Variants in LRCH1 observed in about 807,000 individuals in gnomAD.
LRCH1 encodes the protein leucine-rich repeat and calponin homology domain-containing protein 1.
Under a neutral mutation model 94.9 loss-of-function variants are expected in LRCH1, and 23 were observed. That is an observed-to-expected ratio of 0.24 (90% CI 0.17 to 0.34). The LOEUF (loss-of-function observed/expected upper bound fraction) is 0.34. Ranked by LOEUF, LRCH1 falls within the 10% of genes least tolerant of loss-of-function variation. The pLI, the probability that LRCH1 is intolerant of heterozygous loss-of-function variation, is 1.00. For synonymous variants in LRCH1, 364 were observed against 354.9 expected (o/e 1.03, Z -0.29); for missense variants, 790 against 945.9 (o/e 0.84, Z 2.16).
intron 1 of LRCH1, among the ~76,000 whole-genome samples, chr13:46,627,868 A>G (rs564889710): frequency 4.7e-4 from 71 of 152,168 alleles, no homozygotes; most frequent in African/African-American, 1.6e-3. Context: ...ACTTTTTCTC[A>G]GTTTTCATGA....
At chr13:46,665,849 C>T (rs1177319332) in intron 2 of LRCH1, among the ~76,000 whole-genome samples, 1 of 152,162 alleles carries the variant, frequency 6.6e-6, no homozygotes, top group East Asian at 1.9e-4. Context: ...AGAAAAATTG[C>T]TGCCAGAAGA....
At chr13:46,745,657 C>CT (rs977056164), downstream of LRCH1, among the ~76,000 whole-genome samples, 2 of 151,996 alleles carry the variant, frequency 1.3e-5, no homozygotes, top group African/African-American at 4.8e-5. Flanking sequence ...ATTGAAGAAA[C>CT]TGATGCAGGA....
Position 46,714,224 on chromosome 13 carries a change from CTTG to C in LRCH1, c.1655-1329_1655-1327del, listed in dbSNP as rs530999939. Among the ~76,000 whole-genome samples, 394 of 152,276 alleles carry C rather than the reference CTTG, an allele frequency of 2.6e-3. 1 individual carries two copies. Among genetic ancestry groups the C allele is most frequent in the Middle Eastern group, 0.01 (3 of 294 alleles). On this transcript the variant is annotated intron_variant, in intron 15 of 19. Coordinates refer to ENST00000389797, the MANE Select transcript of LRCH1 (RefSeq NM_001164211.2). ...CTGACTAACCAATGTGGAAATTGTT[CTTG>C]TTGTTGAAAGCTCTATGGAGTTTGG...
intron 1 of LRCH1, 100 bp from the exon 2 acceptor site, chr13:46,650,101 C>T: frequency 1.3e-6 from 1 of 750,790 alleles, no homozygotes; most frequent in Non-Finnish European, 2.1e-6. Flanking sequence ...TAATGTTGGT[C>T]AAAATGTATA....
intron 1 of LRCH1, among the ~76,000 whole-genome samples, chr13:46,575,622 C>T (rs924034614): frequency 5.9e-5 from 9 of 151,298 alleles, no homozygotes; most frequent in African/African-American, 1.7e-4. Context: ...ACAGCTGTTG[C>T]TTGTCAGCTT....
chr13:46,650,082 A>G (rs2051272831), intron 1 of LRCH1, 119 bp from the exon 2 acceptor site: 1 of 657,566 alleles, frequency 1.5e-6, no homozygotes, highest in Non-Finnish European at 2.4e-6. Flanking sequence ...GAGGTGCAAA[A>G]AAAAATGATA....
Position 46,580,900 on chromosome 13 carries a change from G to T in LRCH1, c.307+27197G>T, listed in dbSNP as rs115643907. ...TAGGAAAAGGGGCTTATGCACAAAG[G>T]CTGAGCTCTTGCCTCTGTTGTTCTT... is the stretch of plus-strand genomic sequence containing the variant. On this transcript the variant is annotated intron_variant, in intron 1 of 19. Coordinates refer to ENST00000389797, the MANE Select transcript of LRCH1 (RefSeq NM_001164211.2). Among the ~76,000 whole-genome samples, 530 of 152,282 alleles carry T rather than the reference G, an allele frequency of 3.5e-3. 4 individuals carry two copies. Among genetic ancestry groups the T allele is most frequent in the African/African-American group, 0.012 (507 of 41,548 alleles).
At chr13:46,732,880 G>A (rs914715761) in intron 18 of LRCH1, among the ~76,000 whole-genome samples, 1 of 152,212 alleles carries the variant, frequency 6.6e-6, no homozygotes, top group Non-Finnish European at 1.5e-5. Context: ...TAGGGCCCAC[G>A]TGAGGGACGT....
chr13:46,586,261 G>C (rs1019798257), intron 1 of LRCH1, among the ~76,000 whole-genome samples: 10 of 152,160 alleles, frequency 6.6e-5, no homozygotes, highest in African/African-American at 2.2e-4. Context: ...CAGAGGTGGC[G>C]CATTTTACTG....
In LRCH1 at chr13:46,712,441, A is replaced by G. The variant is rs547350924; in HGVS notation, c.1582-84A>G. ...TGCAAAAAGGGAGTAGTTTTGTTAC[A>G]ATCCTTGAACATAGAAAACCATACA... On this transcript the variant is annotated intron_variant, in intron 14 of 19. Coordinates refer to ENST00000389797, the MANE Select transcript of LRCH1 (RefSeq NM_001164211.2). The G allele has an allele frequency of 1.6e-4, 170 of 1,082,560 alleles. 2 individuals are homozygous for G. In the South Asian group the frequency reaches 2.2e-3, roughly 14 times the overall value. 67.1% of individuals were successfully genotyped at this position (1,082,560 alleles called of 1,614,324 possible).
At chr13:46,611,743 G>T (rs1237688400) in intron 1 of LRCH1, among the ~76,000 whole-genome samples, 1 of 152,132 alleles carries the variant, frequency 6.6e-6, no homozygotes, top group Non-Finnish European at 1.5e-5. Flanking sequence ...TATTTGTTGA[G>T]ATGATAATAT....
chr13:46,707,566 T>C (rs568967381), intron 13 of LRCH1, among the ~76,000 whole-genome samples: 1 of 152,290 alleles, frequency 6.6e-6, no homozygotes, highest in South Asian at 2.1e-4. Flanking sequence ...CTTTTGACTC[T>C]AGTAAAATAG....
intron 1 of LRCH1, among the ~76,000 whole-genome samples, chr13:46,562,316 A>G (rs895496777): frequency 3.9e-5 from 6 of 152,098 alleles, no homozygotes; most frequent in African/African-American, 1.4e-4. Context: ...ACAGAAATTA[A>G]TTTTCCCATA....
At chr13:46,633,446 T>G (rs1163655577) in intron 1 of LRCH1, among the ~76,000 whole-genome samples, 1 of 152,214 alleles carries the variant, frequency 6.6e-6, no homozygotes, top group Non-Finnish European at 1.5e-5. Context: ...CCATCATCAT[T>G]ATTGAATTGT....
chr13:46,576,876 A>C (rs1277280678), intron 1 of LRCH1, among the ~76,000 whole-genome samples: 1 of 152,134 alleles, frequency 6.6e-6, no homozygotes. Context: ...AGGAGTCCAG[A>C]CACAGTTTGG....
At chr13:46,558,731 T>TCAAACAAA (rs894027465) in intron 1 of LRCH1, among the ~76,000 whole-genome samples, 1 of 151,974 alleles carries the variant, frequency 6.6e-6, no homozygotes, top group Admixed American at 6.6e-5. Context: ...AGACTCTGTC[T>TCAAACAAA]CAAACAAACA....
At chr13:46,740,925 T>A (rs1720075197) in intron 19 of LRCH1, among the ~76,000 whole-genome samples, 1 of 152,154 alleles carries the variant, frequency 6.6e-6, no homozygotes, top group African/African-American at 2.4e-5. Flanking sequence ...TGCCCCAATA[T>A]ACCTGTTTAG....
intron 1 of LRCH1, among the ~76,000 whole-genome samples, chr13:46,557,215 G>T (rs2137892047): frequency 6.6e-6 from 1 of 151,360 alleles, no homozygotes; most frequent in Middle Eastern, 3.4e-3. Context: ...CGTTTTGAAT[G>T]AAGAAGTTCA....
chr13:46,736,810 C>T (rs1873409043), intron 19 of LRCH1, among the ~76,000 whole-genome samples: 1 of 152,108 alleles, frequency 6.6e-6, no homozygotes, highest in Non-Finnish European at 1.5e-5. Context: ...AGCTAAATAT[C>T]TAACTGACAA....
Sources: allele counts gnomAD v4.1 joint callset (sites outside exome capture counted in the v4.1 genomes callset), GRCh38; gene constraint gnomAD v4.1.1; transcripts MANE v1.5; gene names NCBI Gene and HGNC (gene_info 2026-07-23, HGNC 2026-07-21).